The following GLIS1 variants were observed in gnomAD, a reference collection of about 807,000 sequenced individuals.
The protein encoded by GLIS1 is GLIS family zinc finger 1, also known as zinc finger protein GLIS1.
Under a neutral mutation model 63.8 loss-of-function variants are expected in GLIS1, and 24 were observed. The observed-to-expected ratio is 0.38, with a 90% CI of 0.27 to 0.53. GLIS1 has a LOEUF of 0.53. GLIS1 is among the 20% of genes least tolerant of loss of function. GLIS1 has a pLI of 0.85. For synonymous variants in GLIS1, 450 were observed against 482.5 expected (o/e 0.93, Z 0.88); for missense variants, 1,036 against 1,074.1 (o/e 0.96, Z 0.50).
intron 2 of GLIS1, among the ~76,000 whole-genome samples, chr1:53,625,066 G>A (rs2100218224): frequency 6.6e-6 from 1 of 152,328 alleles, no homozygotes. Flanking sequence ...ATTCTTCACA[G>A]CCAGTCCAAA....
Position 53,594,143 on chromosome 1 carries a change from G to C in GLIS1, c.1285C>G (p.Arg429Gly). ...TTGGGCTTCTCGCCCGAGTGCACTC[G>C]CATGTGGATGAGCAGCTTGTAGCGG... is the stretch of plus-strand genomic sequence containing the variant. ...NARYKLLIHM[R>G]VHSGEKPNKC... is the part of the protein sequence containing the mutation. The change falls in exon 4 of 11, where the codon CGA (arginine) becomes GGA (glycine). Residue 429 changes from arginine to glycine, a missense_variant. This residue lies in a region of GLIS1 where 592 missense variants were observed against 593.9 expected (regional missense o/e 1.00). Transcript: ENST00000628545. 6.2e-7 allele frequency: 1 copy of C among 1,613,226 alleles called. No homozygotes were observed. Among genetic ancestry groups the C allele is most frequent in the Non-Finnish European group, 8.5e-7 (1 of 1,179,372 alleles).
intron 2 of GLIS1, among the ~76,000 whole-genome samples, chr1:53,618,862 G>A (rs919869566): frequency 7.8e-4 from 119 of 152,314 alleles, no homozygotes; most frequent in African/African-American, 2.8e-3. Flanking sequence ...CCAGGGAAAG[G>A]ACCCCCAGGC....
chr1:53,673,017 G>A (rs984405014), intron 2 of GLIS1, among the ~76,000 whole-genome samples: 2 of 152,168 alleles, frequency 1.3e-5, no homozygotes, highest in African/African-American at 4.8e-5. Context: ...CCAGTGTCGG[G>A]TACATTACTC....
intron 2 of GLIS1, among the ~76,000 whole-genome samples, chr1:53,633,430 G>A (rs565206999): frequency 1.3e-5 from 2 of 151,074 alleles, no homozygotes; most frequent in Non-Finnish European, 3.0e-5. Context: ...GTGTGACTGA[G>A]GGGTGTGAAT....
At position 53,598,135 on chromosome 1, in the gene GLIS1, T is replaced by C. The variant is rs950096201; in HGVS notation, c.437+1966A>G. ...TTTGTGTCCCCCCAAAATTTATACA[T>C]TGAAGCCCTAACATCCAGTTTGACT... On this transcript the variant is annotated intron_variant, in intron 3 of 10. Coordinates refer to ENST00000628545, the MANE Select transcript of GLIS1 (RefSeq NM_001367484.1). The surrounding 1 kb of genome is among the most constrained non-coding windows in gnomAD (Gnocchi z 4.6). Among the ~76,000 whole-genome samples the C allele has an allele frequency of 6.6e-6, 1 of 152,196 alleles. No homozygotes were observed. The highest frequency in any genetic ancestry group is 6.5e-5 in the Admixed American group (1 of 15,280).
chr1:53,534,665 C>T (rs1156252321), intron 4 of GLIS1, among the ~76,000 whole-genome samples: 1 of 150,852 alleles, frequency 6.6e-6, no homozygotes, highest in Non-Finnish European at 1.5e-5. Context: ...CCCACCTGAC[C>T]ACCCACCCCA....
Position 53,654,955 on chromosome 1 carries a change from G to A in GLIS1, c.260-54677C>T, listed in dbSNP as rs555828883. Reference sequence around the variant, plus strand: ...GAGGTTTGTTTTGGTTTGTAAAATGGTAGAAACATCAGCTTGCTTACATGG... The same window carrying A: ...GAGGTTTGTTTTGGTTTGTAAAATGATAGAAACATCAGCTTGCTTACATGG... On this transcript the variant is annotated intron_variant, in intron 2 of 10. Coordinates refer to ENST00000628545, the MANE Select transcript of GLIS1 (RefSeq NM_001367484.1). 5.3e-5 allele frequency among the ~76,000 whole-genome samples: 8 copies of A among 152,326 alleles called. 1 individual carries two copies. The South Asian group carries it at 1.2e-3, about 24-fold the overall frequency.
At chr1:53,702,411 A>G (rs1037613608) in intron 2 of GLIS1, among the ~76,000 whole-genome samples, 1 of 152,252 alleles carries the variant, frequency 6.6e-6, no homozygotes. Flanking sequence ...ATTAGCACAC[A>G]TGAGCATGAA....
intron 2 of GLIS1, among the ~76,000 whole-genome samples, chr1:53,715,976 T>C (rs901963304): frequency 6.6e-6 from 1 of 152,120 alleles, no homozygotes; most frequent in Non-Finnish European, 1.5e-5. Flanking sequence ...TATATGCCAA[T>C]AGGAGTGACC....
intron 2 of GLIS1, among the ~76,000 whole-genome samples, chr1:53,683,392 T>C (rs566264092): frequency 2.0e-5 from 3 of 152,144 alleles, no homozygotes; most frequent in Non-Finnish European, 4.4e-5. Flanking sequence ...ACAATGACCA[T>C]GAGCAGAGAC....
chr1:53,572,794 T>C (rs1644996156), intron 4 of GLIS1, among the ~76,000 whole-genome samples: 1 of 152,172 alleles, frequency 6.6e-6, no homozygotes, highest in Non-Finnish European at 1.5e-5. Flanking sequence ...GCTGACCCCA[T>C]TGCCTGGAGC....
At chr1:53,609,264 A>ATTTT (rs1569912044) in intron 2 of GLIS1, among the ~76,000 whole-genome samples, 26 of 94,784 alleles carry the variant, frequency 2.7e-4, no homozygotes, top group East Asian at 7.8e-4. Flanking sequence ...TTGGGTTTAA[A>ATTTT]TCTTTTTTTT....
At chr1:53,737,404 A>G (rs1646922329) in intron 2 of GLIS1, among the ~76,000 whole-genome samples, 1 of 152,260 alleles carries the variant, frequency 6.6e-6, no homozygotes, top group Non-Finnish European at 1.5e-5. Flanking sequence ...GGTCTTGCTA[A>G]AGGCCTCTGG....
In GLIS1 at chr1:53,646,937, GAAGGA is replaced by G. The variant is rs918636922; in HGVS notation, c.260-46664_260-46660del. On this transcript the variant is annotated intron_variant, in intron 2 of 10. Coordinates refer to ENST00000628545, the MANE Select transcript of GLIS1 (RefSeq NM_001367484.1). This position sits in a 1 kb window ranked among gnomAD's most constrained non-coding sequence, Gnocchi z 4.2. ...GGAAGGAAGGAAGGAAGGAAAGAAG[GAAGGA>G]AAGGGAAGGGAAGGGAAGGAAAGGA... Among the ~76,000 whole-genome samples the G allele has an allele frequency of 3.6e-5, 5 of 138,474 alleles. No homozygotes were observed. The highest frequency in any genetic ancestry group is 2.7e-4 in the South Asian group (1 of 3,686). The allele number at this position is 138,474 out of a possible 152,430, so 90.8% of individuals were successfully genotyped here. A position where few individuals can be genotyped will look rare whatever the true frequency, so the allele number is the denominator to read the frequency against.
At chr1:53,670,654 T>G (rs1646141739) in intron 2 of GLIS1, among the ~76,000 whole-genome samples, 2 of 152,212 alleles carry the variant, frequency 1.3e-5, no homozygotes, top group Non-Finnish European at 2.9e-5. Context: ...TGGGTCTCCC[T>G]GAGTTCCCAC....
At chr1:53,585,697 G>C (rs922046313) in intron 4 of GLIS1, among the ~76,000 whole-genome samples, 1 of 152,180 alleles carries the variant, frequency 6.6e-6, no homozygotes, top group African/African-American at 2.4e-5. Context: ...TTCCTGATGG[G>C]GAATCTAACC....
At chr1:53,663,355 G>A (rs1165227500) in intron 2 of GLIS1, among the ~76,000 whole-genome samples, 1 of 152,238 alleles carries the variant, frequency 6.6e-6, no homozygotes, top group Non-Finnish European at 1.5e-5. Flanking sequence ...CAGAGGCCTG[G>A]GGGCTGCCAA....
intron 4 of GLIS1, among the ~76,000 whole-genome samples, chr1:53,552,573 TG>T (rs1323001339): frequency 6.6e-6 from 1 of 152,234 alleles, no homozygotes; most frequent in Non-Finnish European, 1.5e-5. Context: ...GTGATTTACA[TG>T]ACCACAACCA....
intron 9 of GLIS1, 127 bp from the exon 10 acceptor site, chr1:53,509,414 G>A (rs1644274226): frequency 1.9e-6 from 2 of 1,052,448 alleles, no homozygotes; most frequent in East Asian, 5.4e-5. Flanking sequence ...GTGAGAGAGA[G>A]AGGAGGGCCC....
Sources: allele counts gnomAD v4.1 joint callset (sites outside exome capture counted in the v4.1 genomes callset), GRCh38; gene constraint gnomAD v4.1.1; regional missense constraint gnomAD v4.1.1; non-coding constraint Gnocchi (gnomAD v3.1); transcripts MANE v1.5; gene names NCBI Gene and HGNC (gene_info 2026-07-23, HGNC 2026-07-21).